Variants in TAFA1 observed in about 807,000 individuals in gnomAD.
TAFA1 encodes the protein chemokine-like protein TAFA-1.
TAFA1 carries 4 observed loss-of-function variants against 18.5 expected under a neutral mutation model. The ratio of observed to expected loss-of-function variants is 0.22; its 90% CI spans 0.11 to 0.49. TAFA1 has a LOEUF of 0.49. Ranked by LOEUF, TAFA1 falls within the 20% of genes least tolerant of loss-of-function variation. The pLI, the probability that TAFA1 is intolerant of heterozygous loss-of-function variation, is 0.98. For synonymous variants in TAFA1, 56 were observed against 55.2 expected (o/e 1.01, Z -0.06); for missense variants, 147 against 169.0 (o/e 0.87, Z 0.72).
chr3:68,415,843 GA>G (rs1455960377), intron 2 of TAFA1, among the ~76,000 whole-genome samples: 4 of 152,124 alleles, frequency 2.6e-5, no homozygotes, highest in Non-Finnish European at 5.9e-5. Flanking sequence ...CAAACTAAAA[GA>G]GGCTGATATG....
intron 2 of TAFA1, among the ~76,000 whole-genome samples, chr3:68,091,310 T>C (rs908665020): frequency 3.3e-5 from 5 of 152,146 alleles, no homozygotes. Flanking sequence ...TGAGAACAAA[T>C]GGTATATCTT....
intron 4 of TAFA1, among the ~76,000 whole-genome samples, chr3:68,544,188 C>T (rs1299672535): frequency 2.6e-5 from 4 of 152,034 alleles, no homozygotes; most frequent in Non-Finnish European, 5.9e-5. Context: ...CCTTGTGCAA[C>T]TTCATAGGTC....
intron 2 of TAFA1, among the ~76,000 whole-genome samples, chr3:68,015,902 T>G (rs954466515): frequency 3.9e-5 from 6 of 152,230 alleles, no homozygotes; most frequent in Non-Finnish European, 7.3e-5. Flanking sequence ...ACTTCCTTAA[T>G]TCAGTATTCT....
intron 2 of TAFA1, among the ~76,000 whole-genome samples, chr3:68,288,915 G>T (rs1252979673): frequency 1.3e-5 from 2 of 152,172 alleles, no homozygotes; most frequent in Non-Finnish European, 2.9e-5. Flanking sequence ...GCTTTGTGAA[G>T]ATCATTGTAG....
At chr3:68,227,254 T>C (rs1460083082) in intron 2 of TAFA1, among the ~76,000 whole-genome samples, 4 of 152,220 alleles carry the variant, frequency 2.6e-5, no homozygotes, top group Non-Finnish European at 4.4e-5. Flanking sequence ...GCAATCTCTG[T>C]TTAGGTTTCC....
intron 3 of TAFA1, among the ~76,000 whole-genome samples, chr3:68,533,936 C>T (rs2073231104): frequency 6.6e-6 from 1 of 151,974 alleles, no homozygotes; most frequent in African/African-American, 2.4e-5. Context: ...ATGAAGATGG[C>T]CATGTAACAT....
chr3:68,532,880 AAATAATAATAAT>A (rs3037452), intron 3 of TAFA1, among the ~76,000 whole-genome samples: 10 of 146,424 alleles, frequency 6.8e-5, no homozygotes, highest in African/African-American at 2.5e-4. Context: ...TTGTAAAGCA[AAATAATAATAAT>A]AATAATAATA....
intron 2 of TAFA1, among the ~76,000 whole-genome samples, chr3:68,144,650 T>A (rs1575642797): frequency 6.6e-6 from 1 of 152,224 alleles, no homozygotes; most frequent in East Asian, 1.9e-4. Flanking sequence ...ACTAAGAATA[T>A]GTTTCCTGGC....
intron 2 of TAFA1, among the ~76,000 whole-genome samples, chr3:68,354,638 TTAGAC>T (rs1361449184): frequency 1.3e-5 from 2 of 151,992 alleles, no homozygotes; most frequent in South Asian, 2.1e-4. Context: ...ACAAAATACT[TTAGAC>T]TAGGTAATTA....
intron 2 of TAFA1, among the ~76,000 whole-genome samples, chr3:68,243,573 T>C (rs2067030476): frequency 6.6e-6 from 1 of 152,292 alleles, no homozygotes; most frequent in African/African-American, 2.4e-5. Context: ...TGAGATTGGC[T>C]TTTTTCATGC....
At chr3:68,236,672 TC>T (rs1204286531) in intron 2 of TAFA1, among the ~76,000 whole-genome samples, 2 of 152,262 alleles carry the variant, frequency 1.3e-5, no homozygotes, top group Non-Finnish European at 2.9e-5. Flanking sequence ...TTAATATTTT[TC>T]ATGGGAAAAT....
At chr3:68,320,987 A>G (rs1171527054) in intron 2 of TAFA1, among the ~76,000 whole-genome samples, 3 of 152,120 alleles carry the variant, frequency 2.0e-5, no homozygotes, top group African/African-American at 7.2e-5. Flanking sequence ...AGACGTTTCC[A>G]CTTTTCATAT....
intron 2 of TAFA1, among the ~76,000 whole-genome samples, chr3:68,107,211 C>T (rs1451658273): frequency 6.6e-6 from 1 of 152,056 alleles, no homozygotes; most frequent in African/African-American, 2.4e-5. Flanking sequence ...TGCTACAAAT[C>T]AGAGACTGTT....
intron 2 of TAFA1, among the ~76,000 whole-genome samples, chr3:68,096,085 T>G (rs996984102): frequency 6.6e-6 from 1 of 152,070 alleles, no homozygotes; most frequent in African/African-American, 2.4e-5. Flanking sequence ...CACACACACT[T>G]TCCATTCTAC....
intron 3 of TAFA1, among the ~76,000 whole-genome samples, chr3:68,476,750 T>C (rs1441380182): frequency 6.6e-6 from 1 of 152,186 alleles, no homozygotes; most frequent in Non-Finnish European, 1.5e-5. Flanking sequence ...TCCAAGATTA[T>C]TTTTAAAGGA....
chr3:68,299,141 A>C (rs2106638606), intron 2 of TAFA1, among the ~76,000 whole-genome samples: 1 of 152,330 alleles, frequency 6.6e-6, no homozygotes, highest in South Asian at 2.1e-4. Context: ...AGTGGAGCAA[A>C]GTTCCACATG....
intron 2 of TAFA1, among the ~76,000 whole-genome samples, chr3:68,270,055 C>T (rs1268843951): frequency 6.6e-6 from 1 of 152,112 alleles, no homozygotes; most frequent in East Asian, 1.9e-4. Flanking sequence ...TGCAGGAAAC[C>T]ACATCCAAAT....
intron 2 of TAFA1, among the ~76,000 whole-genome samples, chr3:68,201,905 A>G (rs1161516193): frequency 6.6e-6 from 1 of 151,668 alleles, no homozygotes; most frequent in East Asian, 2.0e-4. Context: ...AAGCTGACAC[A>G]TAGGAAGAGG....
intron 2 of TAFA1, among the ~76,000 whole-genome samples, chr3:68,307,461 T>C (rs2068441146): frequency 6.6e-6 from 1 of 152,320 alleles, no homozygotes; most frequent in Non-Finnish European, 1.5e-5. Flanking sequence ...AGCCATCTGA[T>C]ATTTGGATCA....
Sources: gnomAD v4.1 joint callset for allele counts (sites outside exome capture counted in the v4.1 genomes callset) on GRCh38, gnomAD v4.1.1 for gene constraint, MANE v1.5 for transcripts, NCBI Gene and HGNC (gene_info 2026-07-23, HGNC 2026-07-21) for gene names.